Variants in ST7 observed in about 807,000 individuals in gnomAD.
ST7 encodes suppressor of tumorigenicity 7 protein.
ST7 carries 28 observed loss-of-function variants against 78.7 expected under a neutral mutation model. The observed-to-expected ratio is 0.36, with a 90% CI of 0.26 to 0.49. The LOEUF (loss-of-function observed/expected upper bound fraction) is 0.49. Among genes scored for constraint, ST7 ranks in the 20% least tolerant of loss-of-function variants. The pLI, the probability that ST7 is intolerant of heterozygous loss-of-function variation, is 0.99. For missense variants in ST7, 418 were observed against 696.0 expected, an observed-to-expected ratio of 0.60 and a Z score of 4.49; for synonymous variants, 247 against 249.6, an observed-to-expected ratio of 0.99 and a Z score of 0.10.
chr7:117,140,882 A>G lies in ST7; in HGVS notation c.963+2350A>G, dbSNP rs189227688. ...AAATATTCAAAGTGCTCCTTCCTTC[A>G]GGGACTGCTTTTATCAATCCTTGCA... On this transcript the variant is annotated intron_variant, in intron 9 of 15. Transcript: ENST00000323984. Among the ~76,000 whole-genome samples the G allele has an allele frequency of 4.8e-4, 73 of 152,270 alleles. 1 individual carries two copies. The East Asian group carries it at 0.014, about 29-fold the overall frequency.
At chr7:117,042,154 G>C (rs564042022) in intron 1 of ST7, among the ~76,000 whole-genome samples, 12 of 152,220 alleles carry the variant, frequency 7.9e-5, no homozygotes, top group East Asian at 5.8e-4. Context: ...TATTATTTGA[G>C]TTTTTGCTTT....
rs757281468 is a variant in ST7, at chr7:116,953,706, C to A, written c.151+15C>A. ...CTTGAGCACAGGTAAGGCCTGGGAG[C>A]CGGGCCCGCGGCGCCCACCCCTCCC... On this transcript the variant is annotated intron_variant, in intron 1 of 15. Coordinates refer to ENST00000323984, the MANE Select transcript of ST7 (RefSeq NM_001369598.1). The A allele has an allele frequency of 7.0e-7, 1 of 1,434,518 alleles. No individual in the cohort carries two copies. 88.9% of individuals were successfully genotyped at this position (1,434,518 alleles called of 1,614,324 possible).
chr7:117,141,709 T>C (rs1301427693), intron 9 of ST7, among the ~76,000 whole-genome samples: 2 of 152,114 alleles, frequency 1.3e-5, no homozygotes, highest in African/African-American at 2.4e-5. Flanking sequence ...CTCACTCTGA[T>C]GCCCAGGCTG....
chr7:117,094,751 A>C (rs972308037), intron 1 of ST7, among the ~76,000 whole-genome samples: 8 of 152,158 alleles, frequency 5.3e-5, no homozygotes, highest in Non-Finnish European at 8.8e-5. Flanking sequence ...TGGGTCTCCT[A>C]TTCCTGGTCT....
intron 1 of ST7, among the ~76,000 whole-genome samples, chr7:116,971,936 C>G (rs1397119481): frequency 6.6e-6 from 1 of 152,178 alleles, no homozygotes; most frequent in East Asian, 1.9e-4. Flanking sequence ...TGCTCACATT[C>G]CCTTAAATGT....
chr7:117,207,837 G>GT (rs1307780572), intron 12 of ST7, among the ~76,000 whole-genome samples: 3 of 151,862 alleles, frequency 2.0e-5, no homozygotes, highest in South Asian at 2.1e-4. Flanking sequence ...CTTCTCCTTT[G>GT]TTTTTTTGAT....
chr7:117,215,264 A>G (rs1792603913), intron 13 of ST7, among the ~76,000 whole-genome samples: 1 of 152,162 alleles, frequency 6.6e-6, no homozygotes, highest in South Asian at 2.1e-4. Flanking sequence ...CTAAAAACAG[A>G]TGGCCTTCGT....
chr7:116,978,792 G>A (rs1416482884), intron 1 of ST7, among the ~76,000 whole-genome samples: 1 of 151,972 alleles, frequency 6.6e-6, no homozygotes, highest in Non-Finnish European at 1.5e-5. Context: ...TTGCTATGTT[G>A]CCCAGGCTAG....
At chr7:117,216,136 A>G (rs1038662458) in intron 13 of ST7, among the ~76,000 whole-genome samples, 2 of 152,052 alleles carry the variant, frequency 1.3e-5, no homozygotes, top group Non-Finnish European at 2.9e-5. Flanking sequence ...TAGACTTGGA[A>G]CCTAGAAAAT....
chr7:117,056,370 C>T (rs1003443167), intron 1 of ST7, among the ~76,000 whole-genome samples: 3 of 152,118 alleles, frequency 2.0e-5, no homozygotes, highest in East Asian at 3.9e-4. Flanking sequence ...CATGGTGGCT[C>T]ATGCCTGTAA....
chr7:117,060,022 T>G (rs1798269972), intron 1 of ST7, among the ~76,000 whole-genome samples: 1 of 152,072 alleles, frequency 6.6e-6, no homozygotes, highest in African/African-American at 2.4e-5. Flanking sequence ...TTGTTTGTTT[T>G]CTTTTAATAT....
chr7:117,005,095 C>CT (rs931515606), intron 1 of ST7, among the ~76,000 whole-genome samples: 1 of 151,934 alleles, frequency 6.6e-6, no homozygotes, highest in Non-Finnish European at 1.5e-5. Context: ...CAATGCACTA[C>CT]TTTTTTTTAA....
intron 1 of ST7, among the ~76,000 whole-genome samples, chr7:116,973,266 T>C (rs915737009): frequency 2.0e-5 from 3 of 151,994 alleles, no homozygotes; most frequent in African/African-American, 7.2e-5. Flanking sequence ...TCTTTATTGA[T>C]TGGTTAATTG....
chr7:117,138,581 C>T (rs1460186928), intron 9 of ST7, 49 bp downstream of exon 9: 1 of 1,337,600 alleles, frequency 7.5e-7, no homozygotes, highest in African/African-American at 1.5e-5. Context: ...ATATAGGAGC[C>T]CGCTGAATGG....
chr7:117,071,003 A>C lies in ST7; in HGVS notation c.152-28759A>C, dbSNP rs533023511. On this transcript the variant is annotated intron_variant, in intron 1 of 15. Coordinates refer to ENST00000323984, the MANE Select transcript of ST7 (RefSeq NM_001369598.1). Reference sequence around the variant, plus strand: ...GGGAGGCCAAGGCGGGTGGATCATGAGGTCAGGAGATCGAGACCATCTTGG... The same window carrying C: ...GGGAGGCCAAGGCGGGTGGATCATGCGGTCAGGAGATCGAGACCATCTTGG... Among the ~76,000 whole-genome samples the C allele has an allele frequency of 3.9e-5, 6 of 152,160 alleles. No homozygotes were observed. In the South Asian group the frequency reaches 1.2e-3, roughly 32 times the overall value.
chr7:116,961,830 G>A (rs186927965), intron 1 of ST7, among the ~76,000 whole-genome samples: 3 of 150,892 alleles, frequency 2.0e-5, no homozygotes, highest in African/African-American at 7.3e-5. Context: ...GGTTTGTTAT[G>A]TAGGTATACG....
intron 1 of ST7, among the ~76,000 whole-genome samples, chr7:117,043,108 T>A (rs1290679472): frequency 6.6e-6 from 1 of 152,228 alleles, no homozygotes; most frequent in African/African-American, 2.4e-5. Context: ...TAAATAGACA[T>A]GTAATAATGA....
chr7:116,955,193 C>G, intron 1 of ST7: 1 of 445,202 alleles, frequency 2.2e-6, no homozygotes, highest in Non-Finnish European at 4.6e-6. Context: ...AAGTTCTATA[C>G]CTTTAAGAAG....
At chr7:117,107,124 T>TA (rs1802040552) in intron 2 of ST7, among the ~76,000 whole-genome samples, 1 of 152,166 alleles carries the variant, frequency 6.6e-6, no homozygotes, top group African/African-American at 2.4e-5. Context: ...TATATATATA[T>TA]ATATGTATAC....
Sources: allele counts gnomAD v4.1 joint callset (sites outside exome capture counted in the v4.1 genomes callset), GRCh38; gene constraint gnomAD v4.1.1; transcripts MANE v1.5; gene names NCBI Gene and HGNC (gene_info 2026-07-23, HGNC 2026-07-21).